EPB41L2: variants seen among roughly 807,000 people sequenced by gnomAD.
EPB41L2 encodes the protein erythrocyte membrane protein band 4.1 like 2, also known as band 4.1-like protein 2.
A neutral mutation model predicts 113.0 loss-of-function variants in EPB41L2; 43 were observed. The ratio of observed to expected loss-of-function variants is 0.38; its 90% confidence interval spans 0.30 to 0.49. EPB41L2 has a LOEUF of 0.49. Ranked by LOEUF, EPB41L2 falls within the 20% of genes least tolerant of loss-of-function variation. The pLI, the probability that EPB41L2 is intolerant of heterozygous loss-of-function variation, is 0.95. For missense variants in EPB41L2, 1,147 were observed against 1,223.4 expected (o/e 0.94, Z 0.93); for synonymous variants, 442 against 436.7 (o/e 1.01, Z -0.15).
At chr6:131,058,704 A>C (rs1174277086) in intron 1 of EPB41L2, among the ~76,000 whole-genome samples, 1 of 152,194 alleles carries the variant, frequency 6.6e-6, no homozygotes. Context: ...AGAAAAAGCT[A>C]CCAAAATCTA....
chr6:130,887,609 T>C (rs1791476175), intron 11 of EPB41L2, among the ~76,000 whole-genome samples: 1 of 152,230 alleles, frequency 6.6e-6, no homozygotes, highest in South Asian at 2.1e-4. Flanking sequence ...GTTCCAGGAA[T>C]GTATCCAGCT....
At chr6:130,986,648 C>A (rs1309133266) in intron 1 of EPB41L2, among the ~76,000 whole-genome samples, 1 of 151,234 alleles carries the variant, frequency 6.6e-6, no homozygotes. Flanking sequence ...TGCAGTGGCA[C>A]GATCTTGGCT....
rs3031750 is a variant in EPB41L2 at position 131,023,748 on chromosome 6, TATATATAGATATATAGATATATAG to T, written c.-15+39383_-15+39406del. Among the ~76,000 whole-genome samples the T allele has an allele frequency of 7.1e-4, 73 of 103,150 alleles. 1 individual carries two copies. The highest frequency in any genetic ancestry group is 2.0e-3 in the African/African-American group (65 of 33,330). The allele number at this position is 103,150 out of a possible 152,430, so 67.7% of individuals were successfully genotyped here. A position where few individuals can be genotyped will look rare whatever the true frequency, so the allele number is the denominator to read the frequency against. ...GTGTGTGTATATATATCTATATATC[TATATATAGATATATAGATATATAG>T]ATATATAGATATATAGATATATCCC... On this transcript the variant is annotated intron_variant, in intron 1 of 19. Transcript: ENST00000337057.
chr6:131,015,108 G>A (rs1384705841), intron 1 of EPB41L2, among the ~76,000 whole-genome samples: 1 of 152,146 alleles, frequency 6.6e-6, no homozygotes, highest in Non-Finnish European at 1.5e-5. Flanking sequence ...TTAAGAAAAT[G>A]TTGGTAAACC....
chr6:131,025,200 GT>G (rs1179523800), intron 1 of EPB41L2, among the ~76,000 whole-genome samples: 1 of 152,106 alleles, frequency 6.6e-6, no homozygotes, highest in African/African-American at 2.4e-5. Flanking sequence ...TCTAAGGCCT[GT>G]TTCCCCCCCG....
chr6:130,969,082 C>T (rs551698208), intron 1 of EPB41L2, among the ~76,000 whole-genome samples: 60 of 152,184 alleles, frequency 3.9e-4, no homozygotes, highest in African/African-American at 9.4e-4. Flanking sequence ...TTATATCATC[C>T]GTACAGGAAC....
chr6:131,036,241 C>T (rs1326509634), intron 1 of EPB41L2, among the ~76,000 whole-genome samples: 1 of 152,018 alleles, frequency 6.6e-6, no homozygotes, highest in African/African-American at 2.4e-5. Context: ...TTGTAAAATT[C>T]TCAAAAATAT....
At chr6:131,016,477 A>AACAC (rs10584309) in intron 1 of EPB41L2, among the ~76,000 whole-genome samples, 17,617 of 143,360 alleles carry the variant, frequency 0.12, 1,271 homozygotes, top group South Asian at 0.17. Context: ...TTAATAAGGA[A>AACAC]ACACACACAC....
intron 1 of EPB41L2, among the ~76,000 whole-genome samples, chr6:130,991,105 A>G (rs935975437): frequency 3.3e-5 from 5 of 152,212 alleles, no homozygotes; most frequent in Non-Finnish European, 7.3e-5. Flanking sequence ...CTAAGATTAC[A>G]GGCATGAGCC....
intron 4 of EPB41L2, among the ~76,000 whole-genome samples, chr6:130,911,538 AAAC>A (rs1799403572): frequency 6.6e-6 from 1 of 152,148 alleles, no homozygotes; most frequent in Non-Finnish European, 1.5e-5. Flanking sequence ...AAAAAAAAGA[AAAC>A]AAGTCAATAG....
At chr6:130,911,884 A>G (rs894451811) in intron 4 of EPB41L2, among the ~76,000 whole-genome samples, 2 of 146,096 alleles carry the variant, frequency 1.4e-5, no homozygotes, top group Non-Finnish European at 3.0e-5. Context: ...AGTGTCCAAA[A>G]TAATATAACA....
intron 3 of EPB41L2, among the ~76,000 whole-genome samples, chr6:130,945,313 GA>G (rs1390186026): frequency 6.6e-6 from 1 of 152,114 alleles, no homozygotes; most frequent in African/African-American, 2.4e-5. Context: ...TAGCAAATTG[GA>G]TTTCCGAGAC....
chr6:131,052,291 T>C (rs954211), intron 1 of EPB41L2, among the ~76,000 whole-genome samples: 2 of 152,076 alleles, frequency 1.3e-5, no homozygotes, highest in East Asian at 1.9e-4. Context: ...TACAAGTTCA[T>C]GGATAAACTC....
At chr6:131,003,019 T>C (rs1445332173) in intron 1 of EPB41L2, among the ~76,000 whole-genome samples, 1 of 152,194 alleles carries the variant, frequency 6.6e-6, no homozygotes. Flanking sequence ...ATGAAAATAA[T>C]AGTAGTTTTA....
intron 11 of EPB41L2, among the ~76,000 whole-genome samples, chr6:130,888,858 C>A (rs924292528): frequency 4.6e-5 from 7 of 152,144 alleles, no homozygotes; most frequent in Admixed American, 3.9e-4. Context: ...GTTCACCACC[C>A]CCTTGCACAT....
At chr6:131,031,091 A>G (rs903412207) in intron 1 of EPB41L2, among the ~76,000 whole-genome samples, 2 of 146,332 alleles carry the variant, frequency 1.4e-5, no homozygotes, top group Non-Finnish European at 3.0e-5. Flanking sequence ...GAGCCTGTCT[A>G]AAAAAAAAAA....
At chr6:130,900,893 A>G in intron 7 of EPB41L2, 69 bp downstream of exon 7, 1 of 1,529,652 alleles carries the variant, frequency 6.5e-7, no homozygotes, top group South Asian at 1.2e-5. Flanking sequence ...TCAAATGTCT[A>G]GTAAGTGCTA....
At chr6:130,883,331 G>A (rs910369519) in intron 12 of EPB41L2, among the ~76,000 whole-genome samples, 4 of 152,196 alleles carry the variant, frequency 2.6e-5, no homozygotes, top group African/African-American at 9.6e-5. Context: ...AGTTAGAAAT[G>A]AATTAAATGA....
At chr6:130,933,644 T>C (rs905026610) in intron 3 of EPB41L2, among the ~76,000 whole-genome samples, 2 of 152,176 alleles carry the variant, frequency 1.3e-5, no homozygotes, top group African/African-American at 2.4e-5. Flanking sequence ...AAAATTAGAA[T>C]GCTAGCTTTT....
Sources: gnomAD v4.1 joint callset for allele counts (sites outside exome capture counted in the v4.1 genomes callset) on GRCh38, gnomAD v4.1.1 for gene constraint, MANE v1.5 for transcripts, NCBI Gene and HGNC (gene_info 2026-07-23, HGNC 2026-07-21) for gene names.